Variants in GTF2E2 observed in about 807,000 individuals in gnomAD.
GTF2E2 encodes the protein transcription initiation factor IIE subunit beta.
GTF2E2 carries 21 observed loss-of-function variants against 40.5 expected under a neutral mutation model. The observed-to-expected ratio is 0.52, with a 90% CI of 0.37 to 0.75. The LOEUF (loss-of-function observed/expected upper bound fraction) is 0.75, where lower values mean the gene tolerates loss of function less well. Ranked by LOEUF, GTF2E2 falls within the 30% of genes least tolerant of loss-of-function variation. The pLI, the probability that GTF2E2 is intolerant of heterozygous loss-of-function variation, is 0.00. For synonymous variants in GTF2E2, 117 were observed against 121.6 expected, an observed-to-expected ratio of 0.96 and a Z score of 0.25; for missense variants, 298 against 338.4, an observed-to-expected ratio of 0.88 and a Z score of 0.94.
At chr8:30,631,620 T>C (rs1801440169) in intron 3 of GTF2E2, among the ~76,000 whole-genome samples, 1 of 152,214 alleles carries the variant, frequency 6.6e-6, no homozygotes, top group Admixed American at 6.5e-5. Context: ...CAGTTTAATA[T>C]TTCTACCTTC....
intron 6 of GTF2E2, among the ~76,000 whole-genome samples, chr8:30,587,894 C>A (rs1380942754): frequency 9.9e-4 from 88 of 88,980 alleles, no homozygotes; most frequent in African/African-American, 2.7e-3. Context: ...AAAAAAAAAA[C>A]CACACAAATG....
chr8:30,592,440 T>C (rs980340318), intron 6 of GTF2E2, among the ~76,000 whole-genome samples: 25 of 152,224 alleles, frequency 1.6e-4, no homozygotes, highest in Middle Eastern at 3.2e-3. Context: ...AGCTCTGTTA[T>C]TGATTTCTAG....
chr8:30,629,889 T>C (rs540121806), intron 3 of GTF2E2, among the ~76,000 whole-genome samples: 7 of 152,202 alleles, frequency 4.6e-5, no homozygotes, highest in African/African-American at 1.7e-4. Flanking sequence ...GTGTTTTACA[T>C]AACCGAGACA....
rs572025077 is a variant in GTF2E2 at position 30,608,624 on chromosome 8, G to A, written c.550-1474C>T. ...TGAGCAACCCAAATCCCAAAATCTC[G>A]AATCCAAAATCCAAAACTTTTTAAG... On this transcript the variant is annotated intron_variant, in intron 5 of 7. Coordinates refer to ENST00000355904, the MANE Select transcript of GTF2E2 (RefSeq NM_002095.6). Among the ~76,000 whole-genome samples the A allele has an allele frequency of 7.9e-5, 12 of 152,242 alleles. No homozygotes were observed. In the South Asian group the frequency reaches 8.3e-4, roughly 11 times the overall value.
intron 5 of GTF2E2, among the ~76,000 whole-genome samples, 188 bp downstream of exon 5, chr8:30,612,111 C>G (rs1159035723): frequency 6.6e-6 from 1 of 152,200 alleles, no homozygotes; most frequent in Non-Finnish European, 1.5e-5. Flanking sequence ...CAAAGTTACA[C>G]AGAGATGGCT....
chr8:30,621,295 GA>G (rs1382848938), intron 3 of GTF2E2, among the ~76,000 whole-genome samples: 2 of 151,860 alleles, frequency 1.3e-5, no homozygotes, highest in South Asian at 2.1e-4. Flanking sequence ...ATTGGAATCA[GA>G]AAAAAATCAA....
At chr8:30,630,873 T>C (rs1371966746) in intron 3 of GTF2E2, among the ~76,000 whole-genome samples, 1 of 152,170 alleles carries the variant, frequency 6.6e-6, no homozygotes, top group East Asian at 1.9e-4. Context: ...CTGTGAGCAA[T>C]TGTTTAAAGT....
intron 6 of GTF2E2, among the ~76,000 whole-genome samples, chr8:30,580,797 G>A (rs925357428): frequency 1.2e-4 from 18 of 151,718 alleles, no homozygotes; most frequent in African/African-American, 4.1e-4. Flanking sequence ...GTAGGGAGAC[G>A]GGAACCGAAG....
chr8:30,590,638 C>A (rs1280785912), intron 6 of GTF2E2, among the ~76,000 whole-genome samples: 1 of 152,008 alleles, frequency 6.6e-6, no homozygotes, highest in Non-Finnish European at 1.5e-5. Context: ...AGACATGACA[C>A]CAAAAGCACA....
At chr8:30,614,838 T>C (rs1194479550) in intron 3 of GTF2E2, 123 bp from the exon 4 acceptor site, 18 of 612,980 alleles carry the variant, frequency 2.9e-5, no homozygotes, top group African/African-American at 1.1e-4. Flanking sequence ...AGCATAATTA[T>C]AGTGACGAAG....
intron 2 of GTF2E2, among the ~76,000 whole-genome samples, chr8:30,640,796 C>T (rs1801790948): frequency 6.6e-6 from 1 of 152,130 alleles, no homozygotes; most frequent in Non-Finnish European, 1.5e-5. Flanking sequence ...CCTCTGCCGC[C>T]CAGGTTCATG....
At chr8:30,644,407 C>A (rs146291273) in intron 2 of GTF2E2, 2 of 152,310 alleles carry the variant, frequency 1.3e-5, no homozygotes, top group African/African-American at 4.8e-5. Context: ...GGTCTCTTCA[C>A]AGATCACTCT....
At chr8:30,612,575 G>C in intron 4 of GTF2E2, 94 bp from the exon 5 acceptor site, 1 of 702,406 alleles carries the variant, frequency 1.4e-6, no homozygotes, top group Non-Finnish European at 2.2e-6. Context: ...CGCCCAGGCT[G>C]GAGTGCAGTG....
intron 3 of GTF2E2, among the ~76,000 whole-genome samples, chr8:30,621,976 ATAT>A (rs1801116028): frequency 9.0e-6 from 1 of 111,614 alleles, no homozygotes; most frequent in South Asian, 2.4e-4. Context: ...ATATATATAT[ATAT>A]TTTTTTATTA....
intron 2 of GTF2E2, among the ~76,000 whole-genome samples, chr8:30,641,213 A>G (rs2128726037): frequency 6.6e-6 from 1 of 152,320 alleles, no homozygotes; most frequent in South Asian, 2.1e-4. Flanking sequence ...TCGGTTATCA[A>G]TACACTCACA....
chr8:30,651,464 T>A (rs1200251880), intron 2 of GTF2E2, among the ~76,000 whole-genome samples: 1 of 151,862 alleles, frequency 6.6e-6, no homozygotes, highest in Non-Finnish European at 1.5e-5. Context: ...TGAATCAGAA[T>A]AAAATAACCG....
At chr8:30,606,889 T>A (rs1350276724) in intron 6 of GTF2E2, among the ~76,000 whole-genome samples, 168 bp downstream of exon 6, 1 of 152,154 alleles carries the variant, frequency 6.6e-6, no homozygotes, top group Non-Finnish European at 1.5e-5. Context: ...CAAATTGCAT[T>A]CTAAGCAACA....
chr8:30,647,603 C>T (rs1337598805), intron 2 of GTF2E2, among the ~76,000 whole-genome samples: 1 of 152,154 alleles, frequency 6.6e-6, no homozygotes, highest in Non-Finnish European at 1.5e-5. Flanking sequence ...AGAATCTTAA[C>T]TGCCGGTCTG....
At position 30,656,893 on chromosome 8, in the gene GTF2E2, G is replaced by A. The variant is rs1022797929; in HGVS notation, c.-5+1080C>T. The stretch of plus-strand genomic sequence containing the variant: ...CAGTATTTGACCCTCGCAACTCTAG[G>A]AGCAAACAGGTATTAGTGTTATTCC... On this transcript the variant is annotated intron_variant, in intron 1 of 7. Transcript: ENST00000355904. The A allele has an allele frequency of 6.6e-5, 10 of 151,786 alleles. No individual in the cohort carries two copies. In the East Asian group the frequency reaches 1.3e-3, roughly 20 times the overall value. The allele number at this position is 151,786 out of a possible 1,614,324, so 9.4% of individuals were successfully genotyped here.
Sources: allele counts gnomAD v4.1 joint callset (sites outside exome capture counted in the v4.1 genomes callset), GRCh38; gene constraint gnomAD v4.1.1; transcripts MANE v1.5; gene names NCBI Gene and HGNC (gene_info 2026-07-23, HGNC 2026-07-21).